SLC6A15: variants seen among roughly 807,000 people sequenced by gnomAD.
SLC6A15 encodes sodium-dependent neutral amino acid transporter B(0)AT2.
Under a neutral mutation model 68.5 loss-of-function variants are expected in SLC6A15, and 33 were observed. The observed-to-expected ratio is 0.48, with a 90% CI of 0.37 to 0.64. SLC6A15 has a LOEUF of 0.64. Ranked by LOEUF, SLC6A15 falls within the 30% of genes least tolerant of loss-of-function variation. The probability of loss-of-function intolerance (pLI) is 0.00; values close to 1 mark genes in which losing one functional copy is unlikely to be tolerated. For missense variants in SLC6A15, 747 were observed against 874.3 expected (o/e 0.85, Z 1.84); for synonymous variants, 347 against 301.0 (o/e 1.15, Z -1.58).
rs745923937 is a variant in SLC6A15, at chr12:84,885,993, C to G, written c.365G>C (p.Gly122Ala). The change falls in exon 3 of 12, where the codon GGT becomes GCT. Residue 122 changes from glycine (G) to alanine (A), a missense_variant. By Grantham distance (60) the Gly-to-Ala change is moderately conservative. Coordinates refer to ENST00000266682, the MANE Select transcript of SLC6A15 (RefSeq NM_182767.6). Reference sequence around the variant, plus strand: ...AATGCTGCCTCGCCGAATTCTTTGACCCACAGAGAGTTCCAAGAAAAAAAG... The same window carrying G: ...AATGCTGCCTCGCCGAATTCTTTGAGCCACAGAGAGTTCCAAGAAAAAAAG... ...IPLFFLELSV[G>A]QRIRRGSIGV... 1 of 1,612,764 alleles carries G rather than the reference C, an allele frequency of 6.2e-7. No individual in the cohort carries two copies. The highest frequency in any genetic ancestry group is 1.1e-5 in the South Asian group (1 of 91,012).
At chr12:84,878,253 A>T (rs2120604559) in intron 5 of SLC6A15, among the ~76,000 whole-genome samples, 1 of 152,320 alleles carries the variant, frequency 6.6e-6, no homozygotes, top group African/African-American at 2.4e-5. Context: ...TTTTTTAATA[A>T]TTTCAAATTG....
intron 3 of SLC6A15, 78 bp from the exon 4 acceptor site, chr12:84,885,639 T>C: frequency 7.2e-7 from 1 of 1,394,436 alleles, no homozygotes; most frequent in Middle Eastern, 2.3e-4. Flanking sequence ...CATAAAATTT[T>C]ATTTAACATT....
chr12:84,871,349 A>G (rs1008516295), intron 8 of SLC6A15, among the ~76,000 whole-genome samples: 2 of 151,646 alleles, frequency 1.3e-5, no homozygotes, highest in African/African-American at 4.8e-5. Flanking sequence ...ACTGGTTTGC[A>G]TAATTCAGAA....
chr12:84,869,136 T>G (rs1267600058), intron 9 of SLC6A15, among the ~76,000 whole-genome samples: 2 of 152,120 alleles, frequency 1.3e-5, no homozygotes. Flanking sequence ...TTGAGACTTA[T>G]TTAGACATAT....
chr12:84,869,009 T>C (rs186216699), intron 9 of SLC6A15, among the ~76,000 whole-genome samples: 12 of 152,294 alleles, frequency 7.9e-5, no homozygotes, highest in Middle Eastern at 3.4e-3. Flanking sequence ...TGTGGATATA[T>C]AGCTATCAAT....
At chr12:84,891,134 A>T (rs1872370957) in intron 2 of SLC6A15, among the ~76,000 whole-genome samples, 1 of 152,186 alleles carries the variant, frequency 6.6e-6, no homozygotes, top group Admixed American at 6.5e-5. Flanking sequence ...ATAAGTACAA[A>T]TGTAAATATT....
At chr12:84,884,121 T>C (rs1207772074) in intron 4 of SLC6A15, 81 bp from the exon 5 acceptor site, 1 of 1,157,638 alleles carries the variant, frequency 8.6e-7, no homozygotes, top group Non-Finnish European at 1.3e-6. Flanking sequence ...AACCTGTAAG[T>C]GAATTCTTAA....
intron 1 of SLC6A15, among the ~76,000 whole-genome samples, chr12:84,903,744 T>C (rs35480839): frequency 0.046 from 7,033 of 152,228 alleles, 230 homozygotes; most frequent in Non-Finnish European, 0.074. Context: ...TGTCATGGCA[T>C]GTAGGGCCCA....
At chr12:84,881,470 A>G in intron 5 of SLC6A15, 3 of 985,454 alleles carry the variant, frequency 3.0e-6, no homozygotes, top group Non-Finnish European at 3.6e-6. Context: ...AATAAAAAGG[A>G]AAATACAAGA....
chr12:84,911,222 A>T (rs1873444466), intron 1 of SLC6A15, among the ~76,000 whole-genome samples: 1 of 152,186 alleles, frequency 6.6e-6, no homozygotes, highest in Admixed American at 6.5e-5. Flanking sequence ...GGTAGAAAAT[A>T]GCTTTTACAG....
At chr12:84,873,936 T>C (rs186168788) in intron 6 of SLC6A15, among the ~76,000 whole-genome samples, 9 of 152,338 alleles carry the variant, frequency 5.9e-5, no homozygotes, top group Admixed American at 5.9e-4. Context: ...GTTCTGACAT[T>C]GAACAGATAT....
chr12:84,878,025 C>T lies in SLC6A15; in HGVS notation c.757-1418G>A, dbSNP rs73170069. 9.1e-3 allele frequency among the ~76,000 whole-genome samples: 1,391 copies of T among 152,038 alleles called. 14 individuals are homozygous for T. Among genetic ancestry groups the T allele is most frequent in the Middle Eastern group, 0.017 (5 of 294 alleles). ...AAAGTGCCATAGCAGATGATGCTTC[C>T]GGGCAGGTAAAAGATACTGAATTCA... On this transcript the variant is annotated intron_variant, in intron 5 of 11. Transcript: ENST00000266682.
chr12:84,910,161 A>C (rs994146424), intron 1 of SLC6A15, among the ~76,000 whole-genome samples: 1 of 152,144 alleles, frequency 6.6e-6, no homozygotes, highest in Non-Finnish European at 1.5e-5. Context: ...TTAAAATACT[A>C]CATCTCGAGT....
In SLC6A15 at chr12:84,873,345, A is replaced by G; in HGVS notation, c.868-17T>C. 1 of 1,608,548 alleles carries G rather than the reference A, an allele frequency of 6.2e-7. No individual in the cohort carries two copies. The highest frequency in any genetic ancestry group is 8.5e-7 in the Non-Finnish European group (1 of 1,177,516). ...TATTTCAAGCTGTTTAAAAATAAAC[A>G]TAATAGAATCAGCTACAAAATAATG... On this transcript the variant is annotated splice_polypyrimidine_tract_variant and intron_variant, in intron 6 of 11. Transcript: ENST00000266682.
intron 9 of SLC6A15, among the ~76,000 whole-genome samples, chr12:84,869,255 T>G (rs530242837): frequency 6.6e-6 from 1 of 151,848 alleles, no homozygotes; most frequent in Non-Finnish European, 1.5e-5. Flanking sequence ...GTCAGGAGAT[T>G]GAGACCATCC....
intron 1 of SLC6A15, among the ~76,000 whole-genome samples, chr12:84,896,637 A>T (rs1027107491): frequency 6.6e-6 from 1 of 152,232 alleles, no homozygotes; most frequent in Non-Finnish European, 1.5e-5. Flanking sequence ...CCTATTGAAA[A>T]TGCGTAGTTC....
At chr12:84,889,892 C>T (rs17183671) in intron 2 of SLC6A15, among the ~76,000 whole-genome samples, 19,983 of 151,746 alleles carry the variant, frequency 0.13, 1,794 homozygotes, top group Middle Eastern at 0.29. Context: ...TTCGCCTAAC[C>T]ATTGTGTTTT....
intron 8 of SLC6A15, 75 bp downstream of exon 8, chr12:84,872,527 T>A: frequency 2.4e-6 from 3 of 1,276,390 alleles, no homozygotes; most frequent in Non-Finnish European, 3.2e-6. Flanking sequence ...GCCCTTTTCC[T>A]GAAGGGAGTC....
At chr12:84,908,791 C>A (rs1873300147) in intron 1 of SLC6A15, among the ~76,000 whole-genome samples, 2 of 151,832 alleles carry the variant, frequency 1.3e-5, no homozygotes, top group African/African-American at 4.8e-5. Context: ...TTCTCCCCAC[C>A]AGCCCCCAAT....
Sources: gnomAD v4.1 joint callset for allele counts (sites outside exome capture counted in the v4.1 genomes callset) on GRCh38, gnomAD v4.1.1 for gene constraint, MANE v1.5 for transcripts, NCBI Gene and HGNC (gene_info 2026-07-23, HGNC 2026-07-21) for gene names.